Variants in CALN1 observed in about 807,000 individuals in gnomAD.
The protein encoded by CALN1 is calcium-binding protein 8.
In CALN1, 17 loss-of-function variants were observed where a neutral mutation model predicts 30.6. The observed-to-expected ratio is 0.56, with a 90% CI of 0.38 to 0.83. The LOEUF (loss-of-function observed/expected upper bound fraction) is 0.83. Ranked by LOEUF, CALN1 falls within the 40% of genes least tolerant of loss-of-function variation. CALN1 has a pLI of 0.00. For synonymous variants in CALN1, 156 were observed against 131.4 expected (o/e 1.19, Z -1.28); for missense variants, 291 against 354.9 (o/e 0.82, Z 1.45).
At chr7:71,926,739 C>T (rs1467129575) in intron 5 of CALN1, among the ~76,000 whole-genome samples, 3 of 151,936 alleles carry the variant, frequency 2.0e-5, no homozygotes, top group Non-Finnish European at 4.4e-5. Flanking sequence ...ATTGATTCAC[C>T]TTTAAGTTCA....
intron 5 of CALN1, among the ~76,000 whole-genome samples, chr7:71,833,705 C>A (rs1231444342): frequency 6.6e-6 from 1 of 152,022 alleles, no homozygotes; most frequent in Non-Finnish European, 1.5e-5. Context: ...GCATTTGGGA[C>A]CAGACTGGGT....
chr7:72,012,035 A>G (rs943271950), intron 5 of CALN1, among the ~76,000 whole-genome samples: 1 of 152,186 alleles, frequency 6.6e-6, no homozygotes, highest in Non-Finnish European at 1.5e-5. Flanking sequence ...GATTGAATAA[A>G]AAAAATACTT....
At chr7:72,375,164 G>C (rs996009460) in intron 2 of CALN1, among the ~76,000 whole-genome samples, 1 of 152,124 alleles carries the variant, frequency 6.6e-6, no homozygotes, top group South Asian at 2.1e-4. Flanking sequence ...AGTTTGTCTA[G>C]GGCAAAAGTC....
At chr7:72,093,715 G>C (rs1042305308) in intron 4 of CALN1, among the ~76,000 whole-genome samples, 1 of 152,034 alleles carries the variant, frequency 6.6e-6, no homozygotes, top group Non-Finnish European at 1.5e-5. Context: ...CTCAGCTCAA[G>C]TCACAGAGAA....
intron 2 of CALN1, among the ~76,000 whole-genome samples, chr7:72,372,540 C>T (rs1444564732): frequency 6.6e-6 from 1 of 152,138 alleles, no homozygotes; most frequent in Non-Finnish European, 1.5e-5. Flanking sequence ...AATATTTGGG[C>T]TCAATTTCAT....
At chr7:72,407,950 C>T (rs6979389) in intron 1 of CALN1, among the ~76,000 whole-genome samples, 94,618 of 151,884 alleles carry the variant, frequency 0.62, 31,279 homozygotes, top group African/African-American at 0.85. Context: ...GGAGGATCAG[C>T]TTGTTCCTGA....
intron 1 of CALN1, among the ~76,000 whole-genome samples, chr7:72,429,661 A>G (rs1807909082): frequency 6.6e-6 from 1 of 150,594 alleles, no homozygotes; most frequent in African/African-American, 2.4e-5. Flanking sequence ...ATTCTTCATG[A>G]TTTAACTCCC....
intron 4 of CALN1, among the ~76,000 whole-genome samples, chr7:72,045,888 A>G (rs1164142981): frequency 6.6e-6 from 1 of 150,488 alleles, no homozygotes; most frequent in African/African-American, 2.5e-5. Flanking sequence ...TAATCCTGCT[A>G]CTCGGGAGGC....
At chr7:72,482,789 C>G in the CALN1 span, among the ~76,000 whole-genome samples, 2 of 152,062 alleles carry the variant, frequency 1.3e-5, no homozygotes, top group Admixed American at 1.3e-4. Flanking sequence ...TATGTAGTTA[C>G]CATTCCCAGT....
chr7:71,989,459 A>G (rs1798838018), intron 5 of CALN1, among the ~76,000 whole-genome samples: 1 of 150,332 alleles, frequency 6.7e-6, no homozygotes, highest in African/African-American at 2.5e-5. Flanking sequence ...AAAAAAAAAG[A>G]TGATCACAAG....
At chr7:72,381,295 A>C (rs1289258550) in intron 2 of CALN1, among the ~76,000 whole-genome samples, 2 of 152,216 alleles carry the variant, frequency 1.3e-5, no homozygotes, top group Admixed American at 1.3e-4. Context: ...TCAAGGATCG[A>C]GAACCAGAAA....
In CALN1 at chr7:72,418,505, C is replaced by T. The variant is rs571503662; in HGVS notation, c.-225-6230G>A. 9.0e-4 allele frequency among the ~76,000 whole-genome samples: 137 copies of T among 152,276 alleles called. 1 individual carries two copies. Among genetic ancestry groups the T allele is most frequent in the Non-Finnish European group, 1.5e-3 (101 of 68,024 alleles). On this transcript the variant is annotated intron_variant, in intron 1 of 6. Transcript: ENST00000395276. ...AAGGGGCTCTGCCCAGGGTGACTGT[C>T]GCACTGCACCCTCCAGGGCTCTGGA... is the stretch of plus-strand genomic sequence containing the variant.
chr7:71,898,737 T>C, intron 5 of CALN1, among the ~76,000 whole-genome samples: 1 of 151,814 alleles, frequency 6.6e-6, no homozygotes, highest in Non-Finnish European at 1.5e-5. Context: ...ACAGAAAAAA[T>C]AAGAAGTTAC....
chr7:71,953,152 C>T (rs1018929550), intron 5 of CALN1, among the ~76,000 whole-genome samples: 9 of 151,980 alleles, frequency 5.9e-5, no homozygotes, highest in Admixed American at 4.6e-4. Flanking sequence ...GGAACGGGAT[C>T]TCGTTATGTT....
At chr7:71,825,428 CAG>C (rs1479960260) in intron 5 of CALN1, among the ~76,000 whole-genome samples, 2 of 152,102 alleles carry the variant, frequency 1.3e-5, no homozygotes, top group Non-Finnish European at 1.5e-5. Flanking sequence ...CCTGAATGCA[CAG>C]AGTGTGGCTT....
At chr7:72,382,512 G>A (rs1585624199) in intron 2 of CALN1, among the ~76,000 whole-genome samples, 1 of 152,104 alleles carries the variant, frequency 6.6e-6, no homozygotes, top group South Asian at 2.1e-4. Flanking sequence ...CAGGTTACAT[G>A]GGTATATTGT....
At chr7:71,953,408 A>G (rs1261508463) in intron 5 of CALN1, among the ~76,000 whole-genome samples, 1 of 152,140 alleles carries the variant, frequency 6.6e-6, no homozygotes, top group East Asian at 1.9e-4. Flanking sequence ...GAATGGATTT[A>G]TCATCTTAAA....
chr7:72,423,536 G>C (rs923787144), intron 1 of CALN1, among the ~76,000 whole-genome samples: 2 of 152,140 alleles, frequency 1.3e-5, no homozygotes, highest in Non-Finnish European at 2.9e-5. Context: ...ACCAGCCCTG[G>C]GACACAGCAG....
At chr7:71,909,410 T>G (rs1486425426) in intron 5 of CALN1, among the ~76,000 whole-genome samples, 2 of 152,112 alleles carry the variant, frequency 1.3e-5, no homozygotes, top group Non-Finnish European at 2.9e-5. Flanking sequence ...AAGCACACCA[T>G]TTATTCCTCC....
Sources: gnomAD v4.1 joint callset for allele counts (sites outside exome capture counted in the v4.1 genomes callset) on GRCh38, gnomAD v4.1.1 for gene constraint, MANE v1.5 for transcripts, NCBI Gene and HGNC (gene_info 2026-07-23, HGNC 2026-07-21) for gene names.